Variants in SCTR observed in about 807,000 individuals in gnomAD.
The protein encoded by SCTR is secretin receptor.
Under a neutral mutation model 60.8 loss-of-function variants are expected in SCTR, and 56 were observed. The observed-to-expected ratio is 0.92, with a 90% CI of 0.74 to 1.15. SCTR has a LOEUF of 1.15. Among genes scored for constraint, SCTR ranks in the 50% most tolerant of loss-of-function variants. SCTR has a pLI of 0.00. For missense variants in SCTR, 562 were observed against 550.4 expected, an observed-to-expected ratio of 1.02 and a Z score of -0.21; for synonymous variants, 202 against 217.0, an observed-to-expected ratio of 0.93 and a Z score of 0.61.
At chr2:119,464,009 G>A (rs2253870) in intron 6 of SCTR, 114 bp downstream of exon 6, 732,420 of 1,114,174 alleles carry the variant, frequency 0.66, 245,119 homozygotes, top group Non-Finnish European at 0.69. Flanking sequence ...TTGGTATTAA[G>A]TGCAGCCTCA....
intron 9 of SCTR, 67 bp from the exon 10 acceptor site, chr2:119,448,847 G>A: frequency 1.2e-6 from 1 of 858,796 alleles, no homozygotes. Flanking sequence ...TCCTGGCCCT[G>A]TCCCCTGGAC....
chr2:119,481,259 G>C (rs1051420944), intron 2 of SCTR, among the ~76,000 whole-genome samples: 2 of 152,194 alleles, frequency 1.3e-5, no homozygotes, highest in Non-Finnish European at 2.9e-5. Context: ...CCTGTTTTTA[G>C]GCATCAATCT....
intron 10 of SCTR, 105 bp from the exon 11 acceptor site, chr2:119,446,990 G>T: frequency 8.1e-7 from 1 of 1,235,608 alleles, no homozygotes; most frequent in South Asian, 3.3e-5. Flanking sequence ...TGACTGCTGA[G>T]GCTGGCTAGC....
At chr2:119,501,638 A>G (rs892472734) in intron 1 of SCTR, among the ~76,000 whole-genome samples, 1 of 152,226 alleles carries the variant, frequency 6.6e-6, no homozygotes, top group African/African-American at 2.4e-5. Flanking sequence ...TGTTTCCAAC[A>G]AAAAGAAAAG....
chr2:119,519,813 AAAAAAAAAAAAAAAG>A (rs1679231128), intron 1 of SCTR, among the ~76,000 whole-genome samples: 1 of 105,728 alleles, frequency 9.5e-6, no homozygotes, highest in Admixed American at 9.9e-5. Flanking sequence ...TCTGTCTCAA[AAAAAAAAAAAAAAAG>A]AAAAAAAGAA....
At position 119,439,994 on chromosome 2, in the gene SCTR, G is replaced by A. The variant is rs1411792373; in HGVS notation, c.*123C>T. Reference sequence around the variant, plus strand: ...TCGGAAGAGTCCAAGGCCTGGGGAGGGGCATCTTCAGCTGAAGGAGGACAC... The same window carrying A: ...TCGGAAGAGTCCAAGGCCTGGGGAGAGGCATCTTCAGCTGAAGGAGGACAC... On this transcript the variant is annotated 3_prime_UTR_variant, in exon 13 of 13. Transcript: ENST00000019103. 1 of 1,001,272 alleles carries A rather than the reference G, an allele frequency of 1.0e-6. No individual in the cohort carries two copies. The highest frequency in any genetic ancestry group is 1.5e-6 in the Non-Finnish European group (1 of 685,666). The allele number at this position is 1,001,272 out of a possible 1,614,324, so 62.0% of individuals were successfully genotyped here.
intron 1 of SCTR, among the ~76,000 whole-genome samples, chr2:119,512,352 T>A (rs13430390): frequency 1.1e-4 from 8 of 73,054 alleles, no homozygotes; most frequent in Admixed American, 3.0e-4. Context: ...CTTCTCCTTC[T>A]CCTTCTCCTT....
chr2:119,482,728 C>G (rs866700411), intron 2 of SCTR, among the ~76,000 whole-genome samples: 2 of 152,190 alleles, frequency 1.3e-5, no homozygotes, highest in Non-Finnish European at 2.9e-5. Context: ...GCAGGCCTGC[C>G]GGGTAACCCT....
At chr2:119,522,120 TC>T (rs1036712678) in intron 1 of SCTR, among the ~76,000 whole-genome samples, 1 of 151,698 alleles carries the variant, frequency 6.6e-6, no homozygotes, top group Non-Finnish European at 1.5e-5. Context: ...CATGGAGAAA[TC>T]CCATCTCTAC....
At chr2:119,472,324 A>T (rs13410830) in intron 4 of SCTR, among the ~76,000 whole-genome samples, 2,097 of 152,290 alleles carry the variant, frequency 0.014, 54 homozygotes, top group African/African-American at 0.048. Context: ...GATATATAAG[A>T]ATCAGTCAAG....
chr2:119,452,080 C>T lies in SCTR; in HGVS notation c.852-1G>A, dbSNP rs1465946517. ...TGCGTTGGCATTGATGTCCCAGCAC[C>T]TAAGGGAGGGACAGCTGGGCATGGT... is the stretch of plus-strand genomic sequence containing the variant. On this transcript the variant is annotated splice_acceptor_variant, in intron 8 of 12. Coordinates refer to ENST00000019103, the MANE Select transcript of SCTR (RefSeq NM_002980.3). LOFTEE classifies it high-confidence loss of function. 1.9e-6 allele frequency: 3 copies of T among 1,592,780 alleles called. No individual in the cohort carries two copies. Among genetic ancestry groups the T allele is most frequent in the Non-Finnish European group, 2.6e-6 (3 of 1,163,592 alleles).
chr2:119,517,375 G>A (rs752840735), intron 1 of SCTR, among the ~76,000 whole-genome samples: 3 of 152,222 alleles, frequency 2.0e-5, no homozygotes, highest in African/African-American at 2.4e-5. Context: ...GCCCAGGCTG[G>A]TCTTGAACTC....
At chr2:119,493,528 T>C (rs1678218274) in intron 2 of SCTR, among the ~76,000 whole-genome samples, 1 of 152,188 alleles carries the variant, frequency 6.6e-6, no homozygotes, top group Non-Finnish European at 1.5e-5. Flanking sequence ...TGTTGATTAA[T>C]AATAATAATT....
At chr2:119,485,020 C>T (rs1677804315) in intron 2 of SCTR, among the ~76,000 whole-genome samples, 2 of 152,170 alleles carry the variant, frequency 1.3e-5, no homozygotes, top group African/African-American at 4.8e-5. Flanking sequence ...GAGCCCATGC[C>T]TCCCGGCAAA....
intron 4 of SCTR, among the ~76,000 whole-genome samples, chr2:119,472,890 T>G (rs1677085060): frequency 6.6e-6 from 1 of 152,182 alleles, no homozygotes; most frequent in Admixed American, 6.5e-5. Context: ...CCTCCCAAAG[T>G]GCTGGGATTA....
In SCTR at chr2:119,467,388, T is replaced by C. The variant is rs531672218; in HGVS notation, c.406-1502A>G. Among the ~76,000 whole-genome samples the C allele has an allele frequency of 3.3e-5, 5 of 150,008 alleles. No individual in the cohort carries two copies. The East Asian group carries it at 7.8e-4, about 23-fold the overall frequency. ...ACCCTGTCTCAAAAAAAAAAAAAAA[T>C]TGAAAGATCTGCATTTAGGTCCAAA... On this transcript the variant is annotated intron_variant, in intron 4 of 12. Transcript: ENST00000019103.
chr2:119,497,625 C>G (rs76618269), intron 1 of SCTR, among the ~76,000 whole-genome samples: 39 of 135,422 alleles, frequency 2.9e-4, no homozygotes, highest in African/African-American at 1.5e-3. Context: ...GGCAGGAAGG[C>G]AGGCAGGCAG....
chr2:119,508,905 CA>C (rs767284908), intron 1 of SCTR, among the ~76,000 whole-genome samples: 1 of 152,200 alleles, frequency 6.6e-6, no homozygotes, highest in Non-Finnish European at 1.5e-5. Flanking sequence ...TCATGTTGTA[CA>C]TCCATTGCGT....
At chr2:119,505,514 T>C (rs1017629825) in intron 1 of SCTR, among the ~76,000 whole-genome samples, 2 of 151,646 alleles carry the variant, frequency 1.3e-5, no homozygotes, top group African/African-American at 4.8e-5. Context: ...CACCATGGAA[T>C]ACTATGCAGC....
Sources: gnomAD v4.1 joint callset for allele counts (sites outside exome capture counted in the v4.1 genomes callset) on GRCh38, gnomAD v4.1.1 for gene constraint, MANE v1.5 for transcripts, NCBI Gene and HGNC (gene_info 2026-07-23, HGNC 2026-07-21) for gene names.